Variants in TBC1D8 observed in about 807,000 individuals in gnomAD.
TBC1D8 encodes BUB2-like protein 1.
In TBC1D8, 65 loss-of-function variants were observed where a neutral mutation model predicts 118.8. The ratio of observed to expected loss-of-function variants is 0.55; its 90% confidence interval spans 0.45 to 0.67. The LOEUF (loss-of-function observed/expected upper bound fraction) is 0.67, where lower values mean the gene tolerates loss of function less well. TBC1D8 is among the 30% of genes least tolerant of loss of function. TBC1D8 has a pLI of 0.00. For synonymous variants in TBC1D8, 566 were observed against 595.8 expected (o/e 0.95, Z 0.73); for missense variants, 1,376 against 1,471.2 (o/e 0.94, Z 1.06).
chr2:101,113,298 A>G (rs1022801394), intron 1 of TBC1D8, among the ~76,000 whole-genome samples: 4 of 152,148 alleles, frequency 2.6e-5, no homozygotes, highest in Non-Finnish European at 4.4e-5. Context: ...CTCAGCAATA[A>G]CTAATTGGTA....
intron 1 of TBC1D8, among the ~76,000 whole-genome samples, chr2:101,144,865 G>A (rs1410316164): frequency 6.6e-6 from 1 of 152,142 alleles, no homozygotes; most frequent in Non-Finnish European, 1.5e-5. Flanking sequence ...TTGAACCCAG[G>A]AGGTGGAGGT....
At chr2:101,025,568 G>A (rs1181666549) in intron 15 of TBC1D8, among the ~76,000 whole-genome samples, 1 of 151,932 alleles carries the variant, frequency 6.6e-6, no homozygotes, top group Non-Finnish European at 1.5e-5. Flanking sequence ...AATGGTAAGA[G>A]AAAAAAATGG....
intron 1 of TBC1D8, among the ~76,000 whole-genome samples, chr2:101,144,021 T>C (rs1466012796): frequency 2.6e-5 from 4 of 152,232 alleles, no homozygotes; most frequent in Non-Finnish European, 5.9e-5. Context: ...AAAACACTTC[T>C]CAACTGCACA....
intron 2 of TBC1D8, among the ~76,000 whole-genome samples, chr2:101,072,876 C>T (rs1281499209): frequency 1.3e-5 from 2 of 152,120 alleles, no homozygotes; most frequent in Non-Finnish European, 2.9e-5. Flanking sequence ...GATCTGCCCC[C>T]CGACCCAAAC....
chr2:101,017,559 G>A (rs1007679771), intron 17 of TBC1D8, among the ~76,000 whole-genome samples: 12 of 152,100 alleles, frequency 7.9e-5, no homozygotes, highest in Non-Finnish European at 1.8e-4. Flanking sequence ...TGCCCAGAAC[G>A]TCCCTATGTG....
intron 3 of TBC1D8, among the ~76,000 whole-genome samples, chr2:101,058,187 C>A (rs540621817): frequency 6.6e-6 from 1 of 152,166 alleles, no homozygotes; most frequent in Admixed American, 6.6e-5. Context: ...TAGCCCACCC[C>A]CTAACCCCAC....
At chr2:101,084,213 C>T (rs1051582105) in intron 2 of TBC1D8, among the ~76,000 whole-genome samples, 11 of 152,162 alleles carry the variant, frequency 7.2e-5, no homozygotes, top group Admixed American at 2.6e-4. Flanking sequence ...CTGGCACAAA[C>T]GTCATGGCAG....
At chr2:101,094,768 C>T (rs191896990) in intron 1 of TBC1D8, among the ~76,000 whole-genome samples, 1 of 152,306 alleles carries the variant, frequency 6.6e-6, no homozygotes, top group East Asian at 1.9e-4. Flanking sequence ...CCGGTTTCAG[C>T]TCCAACATGC....
chr2:101,036,517 C>CG lies in TBC1D8; in HGVS notation c.1453-350dup, dbSNP rs548671165. ...GGGAGGGAGGGGTGGGTAAGGGGGA[C>CG]GCTGGGGGAAGCTTTCTCTGGATGT... On this transcript the variant is annotated intron_variant, in intron 8 of 19. Coordinates refer to ENST00000409318, the MANE Select transcript of TBC1D8 (RefSeq NM_001330348.2). Among the ~76,000 whole-genome samples, 15 of 151,394 alleles carry CG rather than the reference C, an allele frequency of 9.9e-5. 2 individuals are homozygous for CG. The East Asian group carries it at 2.9e-3, about 29-fold the overall frequency.
chr2:101,013,273 CTAT>C, intron 17 of TBC1D8, among the ~76,000 whole-genome samples: 1 of 152,274 alleles, frequency 6.6e-6, no homozygotes, highest in African/African-American at 2.4e-5. Context: ...ATTCCACGAT[CTAT>C]TGATGATCAG....
At chr2:101,045,992 C>CTAATTAAT (rs541757673) in intron 5 of TBC1D8, among the ~76,000 whole-genome samples, 4 of 152,014 alleles carry the variant, frequency 2.6e-5, no homozygotes, top group African/African-American at 7.3e-5. Context: ...CATTCTGCCT[C>CTAATTAAT]TAATTAATTA....
At chr2:101,126,325 T>A (rs1373615441) in intron 1 of TBC1D8, among the ~76,000 whole-genome samples, 1 of 152,178 alleles carries the variant, frequency 6.6e-6, no homozygotes. Context: ...TAGGTGGGCA[T>A]CAAATTCCAA....
intron 15 of TBC1D8, among the ~76,000 whole-genome samples, chr2:101,025,650 G>T (rs1680296578): frequency 6.6e-6 from 1 of 152,086 alleles, no homozygotes; most frequent in African/African-American, 2.4e-5. Context: ...TTGAAAATAA[G>T]TCTTACGCAG....
intron 2 of TBC1D8, among the ~76,000 whole-genome samples, chr2:101,071,366 CAAAT>C (rs66573133): frequency 0.18 from 27,455 of 151,050 alleles, 2,567 homozygotes; most frequent in Middle Eastern, 0.34. Context: ...AACAAACAAA[CAAAT>C]AAATAAATAA....
At chr2:101,053,157 T>G (rs1021985829) in intron 4 of TBC1D8, among the ~76,000 whole-genome samples, 2 of 152,170 alleles carry the variant, frequency 1.3e-5, no homozygotes, top group African/African-American at 4.8e-5. Context: ...TGAACTGAAT[T>G]TTGAAGGATG....
intron 9 of TBC1D8, among the ~76,000 whole-genome samples, 177 bp from the exon 10 acceptor site, chr2:101,033,935 G>T (rs548922954): frequency 6.6e-6 from 1 of 152,084 alleles, no homozygotes; most frequent in African/African-American, 2.4e-5. Context: ...AGGCCGAGGC[G>T]GGTGGATCAC....
rs574394940 is a variant in TBC1D8, at chr2:101,090,593, A to G, written c.128-229T>C. 5.9e-5 allele frequency among the ~76,000 whole-genome samples: 9 copies of G among 152,332 alleles called. No individual in the cohort carries two copies. The South Asian group carries it at 1.2e-3, about 21-fold the overall frequency. On this transcript the variant is annotated intron_variant, in intron 1 of 19. Coordinates refer to ENST00000409318, the MANE Select transcript of TBC1D8 (RefSeq NM_001330348.2). ...CAGGCACTCAGTACTCATTTGCTCA[A>G]TCAATGAAGAGGTGAACAAAGGGTG...
Position 101,059,513 on chromosome 2 carries a change from G to A in TBC1D8, c.310C>T (p.His104Tyr), listed in dbSNP as rs754072002. 8 of 1,613,590 alleles carry A rather than the reference G, an allele frequency of 5.0e-6. No individual in the cohort carries two copies. The highest frequency in any genetic ancestry group is 5.9e-6 in the Non-Finnish European group (7 of 1,179,746). ...TGATLEEINQ[H>Y]WDWLEQNLLH... ...AGATTTTGTTCCAGCCAGTCCCAGT[G>A]CTGATTGATTTCCTCTAATGTTGCA... The change falls in exon 3 of 20, where the codon CAC becomes TAC. Residue 104 changes from histidine to tyrosine, a missense_variant. Physicochemically the swap from His to Tyr is moderately conservative, Grantham distance 83. Transcript: ENST00000409318.
chr2:101,013,777 A>G (rs963695950), intron 17 of TBC1D8, among the ~76,000 whole-genome samples: 12 of 152,244 alleles, frequency 7.9e-5, no homozygotes, highest in African/African-American at 2.2e-4. Context: ...CTGTAGTAGA[A>G]TTCACATATG....
Sources: allele counts gnomAD v4.1 joint callset (sites outside exome capture counted in the v4.1 genomes callset), GRCh38; gene constraint gnomAD v4.1.1; transcripts MANE v1.5; gene names NCBI Gene and HGNC (gene_info 2026-07-23, HGNC 2026-07-21).